The following KIDINS220 variants were observed in gnomAD, a reference collection of about 807,000 sequenced individuals.
KIDINS220 encodes kinase D-interacting substrate of 220 kDa.
In KIDINS220, 63 loss-of-function variants were observed where a neutral mutation model predicts 157.6. The ratio of observed to expected loss-of-function variants is 0.40; its 90% CI spans 0.33 to 0.49. The LOEUF (loss-of-function observed/expected upper bound fraction) is 0.49, where lower values mean the gene tolerates loss of function less well. KIDINS220 is among the 20% of genes least tolerant of loss of function. KIDINS220 has a pLI of 0.66. For synonymous variants in KIDINS220, 732 were observed against 783.6 expected, an observed-to-expected ratio of 0.93 and a Z score of 1.10; for missense variants, 1,772 against 2,171.2, an observed-to-expected ratio of 0.82 and a Z score of 3.65.
At chr2:8,792,502 A>T (rs921606086) in intron 12 of KIDINS220, among the ~76,000 whole-genome samples, 4 of 152,252 alleles carry the variant, frequency 2.6e-5, no homozygotes, top group African/African-American at 9.6e-5. Context: ...CTAAGCCAAA[A>T]GGCTGAGAAG....
chr2:8,800,300 G>C lies in KIDINS220; in HGVS notation c.900+100C>G, dbSNP rs1674513467. On this transcript the variant is annotated intron_variant, in intron 9 of 29. Transcript: ENST00000256707. ...CTGTTAAATGTACTAGGGTTTACAA[G>C]TTTATCTCCATAGGAAAGTGGGAAG... 5 of 681,618 alleles carry C rather than the reference G, an allele frequency of 7.3e-6. No individual in the cohort carries two copies. The Admixed American group carries it at 1.4e-4, about 18-fold the overall frequency. The allele number at this position is 681,618 out of a possible 1,614,324, so 42.2% of individuals were successfully genotyped here. A position where few individuals can be genotyped will look rare whatever the true frequency, so the allele number is the denominator to read the frequency against.
chr2:8,757,609 C>A (rs1668176924), intron 22 of KIDINS220: 3 of 1,593,616 alleles, frequency 1.9e-6, no homozygotes, highest in South Asian at 1.1e-5. Flanking sequence ...ATTTTCAGTC[C>A]TTCGAGGCAG....
intron 1 of KIDINS220, among the ~76,000 whole-genome samples, chr2:8,833,446 TG>T (rs1255119876): frequency 6.6e-6 from 1 of 151,794 alleles, no homozygotes; most frequent in East Asian, 1.9e-4. Context: ...TTACTAAACT[TG>T]TAATTTACAT....
chr2:8,771,978 CAA>C (rs931126467), intron 21 of KIDINS220, among the ~76,000 whole-genome samples: 2 of 141,932 alleles, frequency 1.4e-5, no homozygotes, highest in Non-Finnish European at 3.1e-5. Context: ...AAGAAAAAGA[CAA>C]AAAAAAAAGA....
chr2:8,747,582 T>C (rs953493992), intron 25 of KIDINS220: 14 of 311,516 alleles, frequency 4.5e-5, no homozygotes, highest in Non-Finnish European at 8.2e-5. Flanking sequence ...TAAGAAGATA[T>C]TAGAAATTAC....
intron 1 of KIDINS220, among the ~76,000 whole-genome samples, chr2:8,828,237 G>A (rs1434869106): frequency 6.6e-6 from 1 of 152,088 alleles, no homozygotes; most frequent in African/African-American, 2.4e-5. Flanking sequence ...TTTTCTGTCT[G>A]CCTAAAATTC....
At chr2:8,734,323 A>T (rs1250932209) in intron 28 of KIDINS220, among the ~76,000 whole-genome samples, 2 of 152,176 alleles carry the variant, frequency 1.3e-5, no homozygotes, top group African/African-American at 4.8e-5. Context: ...CCCTATAAGG[A>T]TGAATGCTGA....
chr2:8,786,519 C>A (rs562847781), intron 15 of KIDINS220, among the ~76,000 whole-genome samples, 162 bp from the exon 16 acceptor site: 2 of 152,178 alleles, frequency 1.3e-5, no homozygotes, highest in Admixed American at 6.5e-5. Context: ...AATTAGGTAG[C>A]TTCCACTTCT....
Position 8,751,479 on chromosome 2 carries a change from C to G in KIDINS220, c.3177G>C (p.Arg1059=). 1 of 1,604,664 alleles carries G rather than the reference C, an allele frequency of 6.2e-7. No individual in the cohort carries two copies. Among genetic ancestry groups the G allele is most frequent in the Non-Finnish European group, 8.5e-7 (1 of 1,177,668 alleles). Residue 1059 remains arginine (R), a synonymous_variant, in exon 23 of 30, where the codon CGG becomes CGC. Coordinates refer to ENST00000256707, the MANE Select transcript of KIDINS220 (RefSeq NM_020738.4). The stretch of plus-strand genomic sequence containing the variant: ...ACTAATACCCACCTGCAATAATTTC[C>G]CGTAGTTTGGGATCTAGGTTTACAG... ...PCTVNLDPKL[R]EIIADVRAAR...
chr2:8,788,944 T>A, intron 14 of KIDINS220, 132 bp from the exon 15 acceptor site: 1 of 713,714 alleles, frequency 1.4e-6, no homozygotes, highest in Non-Finnish European at 2.3e-6. Context: ...ATTTCCTAAC[T>A]ACTCCTCAAA....
intron 22 of KIDINS220, among the ~76,000 whole-genome samples, chr2:8,762,616 G>C (rs1668905769): frequency 1.3e-5 from 2 of 152,092 alleles, no homozygotes; most frequent in Non-Finnish European, 2.9e-5. Flanking sequence ...GTGGGCGCCT[G>C]TAGTCCCAGT....
intron 7 of KIDINS220, among the ~76,000 whole-genome samples, chr2:8,804,017 C>T (rs1300341078): frequency 1.3e-5 from 2 of 152,206 alleles, no homozygotes; most frequent in Non-Finnish European, 1.5e-5. Context: ...ATTAAAATAA[C>T]ACAGCCTTTT....
chr2:8,836,840 ATAGT>A (rs1262839242), intron 1 of KIDINS220, among the ~76,000 whole-genome samples: 1 of 152,242 alleles, frequency 6.6e-6, no homozygotes, highest in Non-Finnish European at 1.5e-5. Flanking sequence ...AGATGGCTGC[ATAGT>A]TATTCATAAA....
Position 8,729,297 on chromosome 2 carries a change from T to C in KIDINS220, c.*1423A>G, listed in dbSNP as rs1663707421. The C allele has an allele frequency of 2.4e-5, 24 of 985,318 alleles. No homozygotes were observed. The South Asian group carries it at 1.1e-3, about 44-fold the overall frequency. The allele number at this position is 985,318 out of a possible 1,614,324, so 61.0% of individuals were successfully genotyped here. ...CACAATGACTGGCCCAGTAAATAAC[T>C]TAATCAGCATATTAATAAAAACCCA... On this transcript the variant is annotated 3_prime_UTR_variant, in exon 30 of 30. Coordinates refer to ENST00000256707, the MANE Select transcript of KIDINS220 (RefSeq NM_020738.4).
At chr2:8,797,938 G>A (rs1311078536) in intron 10 of KIDINS220, among the ~76,000 whole-genome samples, 1 of 152,216 alleles carries the variant, frequency 6.6e-6, no homozygotes, top group African/African-American at 2.4e-5. Flanking sequence ...GAATTTGGGA[G>A]AGATGAGCTG....
At chr2:8,813,478 G>A in intron 4 of KIDINS220, 143 bp from the exon 5 acceptor site, 1 of 569,928 alleles carries the variant, frequency 1.8e-6, no homozygotes, top group South Asian at 3.0e-5. Context: ...TAAATTCCCA[G>A]GCTCCCCAAA....
At chr2:8,803,699 T>C (rs574280294) in intron 7 of KIDINS220, among the ~76,000 whole-genome samples, 7 of 152,250 alleles carry the variant, frequency 4.6e-5, no homozygotes, top group Admixed American at 2.0e-4. Context: ...CTTTTAAAAA[T>C]TGCACATCTA....
At chr2:8,753,098 A>G (rs4668591) in intron 22 of KIDINS220, among the ~76,000 whole-genome samples, 147,207 of 152,248 alleles carry the variant, frequency 0.97, 71,217 homozygotes, top group Middle Eastern at 0.99. Context: ...GGGATAAAGG[A>G]AAGAAAAAGA....
intron 22 of KIDINS220, among the ~76,000 whole-genome samples, chr2:8,752,515 C>T (rs960291943): frequency 2.0e-5 from 3 of 152,050 alleles, no homozygotes; most frequent in African/African-American, 7.2e-5. Context: ...GGTCACCCCT[C>T]AATGAAGATT....
Sources: gnomAD v4.1 joint callset for allele counts (sites outside exome capture counted in the v4.1 genomes callset) on GRCh38, gnomAD v4.1.1 for gene constraint, MANE v1.5 for transcripts, NCBI Gene and HGNC (gene_info 2026-07-23, HGNC 2026-07-21) for gene names.